ALDH1A2: variants seen among roughly 807,000 people sequenced by gnomAD.
The protein encoded by ALDH1A2 is retinal dehydrogenase 2.
Under a neutral mutation model 60.3 loss-of-function variants are expected in ALDH1A2, and 27 were observed. The observed-to-expected ratio is 0.45, with a 90% CI of 0.33 to 0.62. The LOEUF (loss-of-function observed/expected upper bound fraction) is 0.62, where lower values mean the gene tolerates loss of function less well. ALDH1A2 is among the 20% of genes least tolerant of loss of function. The pLI is 0.02. For missense variants in ALDH1A2, 581 were observed against 643.8 expected (o/e 0.90, Z 1.06); for synonymous variants, 289 against 232.4 (o/e 1.24, Z -2.21).
At chr15:58,061,433 T>TAA (rs553593802) in intron 1 of ALDH1A2, among the ~76,000 whole-genome samples, 1 of 146,134 alleles carries the variant, frequency 6.8e-6, no homozygotes, top group Admixed American at 6.8e-5. Context: ...TGCCCCAGAT[T>TAA]AAAAAAAAAA....
At chr15:58,020,076 G>C (rs1166362486) in intron 1 of ALDH1A2, among the ~76,000 whole-genome samples, 1 of 151,906 alleles carries the variant, frequency 6.6e-6, no homozygotes, top group Non-Finnish European at 1.5e-5. Context: ...AGAACATGTG[G>C]TGTTTGGTTT....
At chr15:58,027,451 C>G (rs1305854789) in intron 1 of ALDH1A2, among the ~76,000 whole-genome samples, 1 of 152,086 alleles carries the variant, frequency 6.6e-6, no homozygotes, top group African/African-American at 2.4e-5. Context: ...GAAACCTGAG[C>G]AGAAAAGGTG....
chr15:58,065,708 G>T lies in ALDH1A2; in HGVS notation c.-58C>A. On this transcript the variant is annotated 5_prime_UTR_variant, in exon 1 of 13. Coordinates refer to ENST00000249750, the MANE Select transcript of ALDH1A2 (RefSeq NM_003888.4). Reference sequence around the variant, plus strand: ...TGGGGCAGTGCGGGCTGTGCGCGCGGTCCGCGGCCCGGGGGCGCGCTCGCC... The same window carrying T: ...TGGGGCAGTGCGGGCTGTGCGCGCGTTCCGCGGCCCGGGGGCGCGCTCGCC... 2 of 1,253,494 alleles carry T rather than the reference G, an allele frequency of 1.6e-6. No individual in the cohort carries two copies. The highest frequency in any genetic ancestry group is 2.2e-6 in the Non-Finnish European group (2 of 918,692). The allele number at this position is 1,253,494 out of a possible 1,614,324, so 77.6% of individuals were successfully genotyped here.
chr15:57,985,544 G>C (rs1894668930), intron 7 of ALDH1A2, among the ~76,000 whole-genome samples: 1 of 152,124 alleles, frequency 6.6e-6, no homozygotes, highest in Non-Finnish European at 1.5e-5. Flanking sequence ...ATATAGCTAT[G>C]AAGTAAAAAA....
intron 1 of ALDH1A2, among the ~76,000 whole-genome samples, chr15:58,022,023 G>A (rs550072897): frequency 2.0e-5 from 3 of 152,286 alleles, no homozygotes; most frequent in East Asian, 3.9e-4. Flanking sequence ...CCAGGCTGTG[G>A]CCACTGATGA....
chr15:58,045,402 C>T (rs1185004341), intron 1 of ALDH1A2, among the ~76,000 whole-genome samples: 1 of 151,964 alleles, frequency 6.6e-6, no homozygotes, highest in Non-Finnish European at 1.5e-5. Flanking sequence ...GGGTATATAC[C>T]CAAAGGATTA....
At chr15:57,979,898 C>A (rs1455063831) in intron 7 of ALDH1A2, 2 of 362,050 alleles carry the variant, frequency 5.5e-6, no homozygotes, top group Non-Finnish European at 1.1e-5. Context: ...TGGGTGTAGC[C>A]CATCTGCAGG....
intron 1 of ALDH1A2, among the ~76,000 whole-genome samples, chr15:58,035,713 G>A (rs1053611559): frequency 4.0e-5 from 6 of 151,582 alleles, no homozygotes; most frequent in African/African-American, 1.5e-4. Context: ...AATATTTTTG[G>A]TTTTTCCAGC....
At chr15:58,053,070 G>A (rs755011366) in intron 1 of ALDH1A2, among the ~76,000 whole-genome samples, 6 of 152,072 alleles carry the variant, frequency 3.9e-5, no homozygotes, top group Non-Finnish European at 5.9e-5. Context: ...CTGTGTCAAG[G>A]CAGCCATGAT....
Position 57,992,761 on chromosome 15 carries a change from C to T in ALDH1A2, c.742G>A (p.Ala248Thr). 1 of 1,614,144 alleles carries T rather than the reference C, an allele frequency of 6.2e-7. No individual in the cohort carries two copies. The highest frequency in any genetic ancestry group is 8.5e-7 in the Non-Finnish European group (1 of 1,180,014). Residue 248 changes from alanine to threonine, a missense_variant, in exon 7 of 13, where the codon GCA (alanine) becomes ACA (threonine). Ala to Thr is a moderately conservative substitution (Grantham distance 58, BLOSUM62 0). Transcript: ENST00000249750. ...ATGCCAATGTGAGAAGCTATTGCTG[C>T]CCCAGCCGTTGGCCCATATCCTGGC... ...ILPGYGPTAG[A>T]AIASHIGIDK...
chr15:58,023,355 A>G (rs1391393251), intron 1 of ALDH1A2, among the ~76,000 whole-genome samples: 1 of 152,240 alleles, frequency 6.6e-6, no homozygotes, highest in Non-Finnish European at 1.5e-5. Flanking sequence ...GACCAAATTT[A>G]CAAATTATTA....
At chr15:57,983,068 T>A (rs1460994158) in intron 7 of ALDH1A2, among the ~76,000 whole-genome samples, 1 of 152,244 alleles carries the variant, frequency 6.6e-6, no homozygotes, top group African/African-American at 2.4e-5. Context: ...CTTCTAAGGA[T>A]AGACACTGAA....
intron 1 of ALDH1A2, among the ~76,000 whole-genome samples, chr15:58,055,009 T>A (rs973775144): frequency 3.3e-5 from 5 of 152,134 alleles, no homozygotes; most frequent in African/African-American, 1.2e-4. Flanking sequence ...AGGATCTGAA[T>A]GAAATATGGG....
chr15:58,064,233 T>C (rs1003358642), intron 1 of ALDH1A2, among the ~76,000 whole-genome samples: 7 of 152,186 alleles, frequency 4.6e-5, no homozygotes, highest in East Asian at 1.9e-4. Context: ...ATTGGCACTA[T>C]TGTTATGCAA....
At chr15:57,964,110 G>T (rs757351162) in intron 8 of ALDH1A2, 41 bp from the exon 9 acceptor site, 16 of 1,611,170 alleles carry the variant, frequency 9.9e-6, no homozygotes, top group South Asian at 3.3e-5. Flanking sequence ...CTTTGCCTGG[G>T]GAGGGGCCTG....
intron 1 of ALDH1A2, among the ~76,000 whole-genome samples, chr15:58,054,712 C>T (rs1018133471): frequency 6.6e-6 from 1 of 152,068 alleles, no homozygotes; most frequent in African/African-American, 2.4e-5. Context: ...TCCTCCCTCC[C>T]AAGTCAATCT....
At chr15:57,957,093 A>G (rs1893552871) in intron 12 of ALDH1A2, among the ~76,000 whole-genome samples, 2 of 152,130 alleles carry the variant, frequency 1.3e-5, no homozygotes, top group Non-Finnish European at 2.9e-5. Context: ...ACATGAAGGA[A>G]AGCCAGTAAG....
chr15:58,046,178 G>C (rs143351842), intron 1 of ALDH1A2, among the ~76,000 whole-genome samples: 1 of 152,042 alleles, frequency 6.6e-6, no homozygotes, highest in Admixed American at 6.6e-5. Flanking sequence ...CTCCAAGGAA[G>C]GTAGTCTGAC....
rs182387316 is a variant in ALDH1A2 at position 58,062,568 on chromosome 15, C to T, written c.117+2966G>A. On this transcript the variant is annotated intron_variant, in intron 1 of 12. Transcript: ENST00000249750. ...GAAAATTTTAAATTCATAAACACAT[C>T]GCTCAAGGCAATCAGAATGCAGTCT... Among the ~76,000 whole-genome samples, 460 of 152,276 alleles carry T rather than the reference C, an allele frequency of 3.0e-3. 3 individuals are homozygous for T. The highest frequency in any genetic ancestry group is 0.011 in the African/African-American group (440 of 41,548).
Sources: gnomAD v4.1 joint callset for allele counts (sites outside exome capture counted in the v4.1 genomes callset) on GRCh38, gnomAD v4.1.1 for gene constraint, MANE v1.5 for transcripts, NCBI Gene and HGNC (gene_info 2026-07-23, HGNC 2026-07-21) for gene names.